Variants in DIP2B observed in about 807,000 individuals in gnomAD.
The protein encoded by DIP2B is disco-interacting protein 2 homolog B.
DIP2B carries 76 observed loss-of-function variants against 198.0 expected under a neutral mutation model. The ratio of observed to expected loss-of-function variants is 0.38; its 90% confidence interval spans 0.32 to 0.46. The LOEUF is 0.46. Ranked by LOEUF, DIP2B falls within the 20% of genes least tolerant of loss-of-function variation. DIP2B has a pLI of 0.99. For synonymous variants in DIP2B, 701 were observed against 739.1 expected, an observed-to-expected ratio of 0.95 and a Z score of 0.84; for missense variants, 1,559 against 1,978.4, an observed-to-expected ratio of 0.79 and a Z score of 4.02.
At chr12:50,686,045 A>T in intron 11 of DIP2B, 89 bp downstream of exon 11, 1 of 1,313,560 alleles carries the variant, frequency 7.6e-7, no homozygotes, top group South Asian at 1.5e-5. Flanking sequence ...TAGGTACTTT[A>T]CATATATGTT....
chr12:50,704,402 T>A (rs1192565958), intron 20 of DIP2B, among the ~76,000 whole-genome samples, 182 bp downstream of exon 20: 2 of 152,252 alleles, frequency 1.3e-5, no homozygotes, highest in Non-Finnish European at 2.9e-5. Context: ...ACTACCCAAG[T>A]TCATTTGACT....
chr12:50,525,608 G>C (rs1958157060), intron 1 of DIP2B, among the ~76,000 whole-genome samples: 1 of 151,142 alleles, frequency 6.6e-6, no homozygotes, highest in Admixed American at 6.6e-5. Flanking sequence ...GACCTCCCAG[G>C]CTCAAGAGAT....
At chr12:50,534,495 C>T (rs965005702) in intron 1 of DIP2B, among the ~76,000 whole-genome samples, 1 of 151,514 alleles carries the variant, frequency 6.6e-6, no homozygotes, top group Non-Finnish European at 1.5e-5. Flanking sequence ...GCCTCAGCCT[C>T]CTGAGTAGCT....
chr12:50,507,064 A>G (rs1957974631), intron 1 of DIP2B, among the ~76,000 whole-genome samples: 1 of 152,180 alleles, frequency 6.6e-6, no homozygotes, highest in Non-Finnish European at 1.5e-5. Flanking sequence ...AACTATTTCT[A>G]GGACCCACAC....
chr12:50,625,850 TCC>T (rs34609458), intron 1 of DIP2B, 124 bp from the exon 2 acceptor site: 219 of 888,438 alleles, frequency 2.5e-4, no homozygotes, highest in Non-Finnish European at 3.0e-4. Context: ...AACCATACAT[TCC>T]CCCCCCCAAC....
At chr12:50,672,446 T>C (rs1938871741) in intron 5 of DIP2B, among the ~76,000 whole-genome samples, 1 of 152,206 alleles carries the variant, frequency 6.6e-6, no homozygotes, top group African/African-American at 2.4e-5. Context: ...CCATGGTTGC[T>C]GAGGTTTTAT....
chr12:50,699,315 C>G, intron 19 of DIP2B, 113 bp downstream of exon 19: 1 of 1,459,396 alleles, frequency 6.9e-7, no homozygotes, highest in East Asian at 2.3e-5. Context: ...AGTGTGTACT[C>G]TGGAGCTAGA....
chr12:50,643,046 G>A (rs923608775), intron 3 of DIP2B, among the ~76,000 whole-genome samples: 4 of 151,988 alleles, frequency 2.6e-5, no homozygotes, highest in African/African-American at 7.3e-5. Context: ...GTGTGTGTGA[G>A]TGTGTGTGTG....
chr12:50,735,293 T>C (rs1025426348), intron 34 of DIP2B, among the ~76,000 whole-genome samples, 163 bp downstream of exon 34: 3 of 152,166 alleles, frequency 2.0e-5, no homozygotes, highest in Admixed American at 2.0e-4. Context: ...TATGGGTACA[T>C]AGATAAGAAG....
intron 1 of DIP2B, among the ~76,000 whole-genome samples, chr12:50,517,794 A>G (rs1958078948): frequency 6.6e-6 from 1 of 152,058 alleles, no homozygotes; most frequent in African/African-American, 2.4e-5. Context: ...ATACATTGCC[A>G]TTCTCTAAAA....
chr12:50,724,406 A>T lies in DIP2B; in HGVS notation c.3289-369A>T, dbSNP rs145844625. On this transcript the variant is annotated intron_variant, in intron 27 of 37. Coordinates refer to ENST00000301180, the MANE Select transcript of DIP2B (RefSeq NM_173602.3). ...TAGAGACTGGGGCAGTCTCCTTCAA[A>T]CATGGTTATCCGATTCTTCTCATTT... Among the ~76,000 whole-genome samples, 32 of 152,272 alleles carry T rather than the reference A, an allele frequency of 2.1e-4. 1 individual carries two copies. The East Asian group carries it at 6.2e-3, about 29-fold the overall frequency.
At chr12:50,694,508 C>A (rs77239731) in intron 14 of DIP2B, among the ~76,000 whole-genome samples, 48 of 2,274 alleles carry the variant, frequency 0.021, no homozygotes, top group East Asian at 0.054. Flanking sequence ...TAAATAAATA[C>A]ATACATACAT....
At chr12:50,726,575 C>T (rs899978636) in intron 28 of DIP2B, among the ~76,000 whole-genome samples, 10 of 151,864 alleles carry the variant, frequency 6.6e-5, no homozygotes, top group African/African-American at 2.2e-4. Flanking sequence ...GGTCTCGAAC[C>T]CCAGTCCTCA....
chr12:50,508,980 G>A (rs1307309327), intron 1 of DIP2B, among the ~76,000 whole-genome samples: 1 of 152,180 alleles, frequency 6.6e-6, no homozygotes, highest in African/African-American at 2.4e-5. Flanking sequence ...GATTACAGGT[G>A]TAAGCCACTG....
intron 21 of DIP2B, 146 bp downstream of exon 21, chr12:50,706,811 T>TCTTC: frequency 1.3e-6 from 1 of 782,698 alleles, no homozygotes; most frequent in Non-Finnish European, 1.9e-6. Context: ...GGCTTTTTTT[T>TCTTC]TTCTTCTTCT....
intron 37 of DIP2B, 89 bp from the exon 38 acceptor site, chr12:50,744,498 C>G (rs1052863716): frequency 1.3e-6 from 2 of 1,550,660 alleles, no homozygotes; most frequent in Admixed American, 3.5e-5. Context: ...GGGGAGAAGG[C>G]GGGGAAATGG....
chr12:50,592,909 A>G (rs1467488683), intron 1 of DIP2B, among the ~76,000 whole-genome samples: 4 of 152,300 alleles, frequency 2.6e-5, no homozygotes, highest in African/African-American at 9.6e-5. Context: ...TTGAACTCCA[A>G]AGCAGTTGGG....
chr12:50,594,077 A>T (rs1389463302), intron 1 of DIP2B, among the ~76,000 whole-genome samples: 1 of 149,546 alleles, frequency 6.7e-6, no homozygotes, highest in Non-Finnish European at 1.5e-5. Context: ...AGTAGCTGGG[A>T]TTACAGGTGT....
At chr12:50,600,187 C>T (rs1270640889) in intron 1 of DIP2B, among the ~76,000 whole-genome samples, 1 of 152,194 alleles carries the variant, frequency 6.6e-6, no homozygotes, top group African/African-American at 2.4e-5. Context: ...TCTCTGCCCC[C>T]TCAGTCTTTA....
Sources: allele counts gnomAD v4.1 joint callset (sites outside exome capture counted in the v4.1 genomes callset), GRCh38; gene constraint gnomAD v4.1.1; transcripts MANE v1.5; gene names NCBI Gene and HGNC (gene_info 2026-07-23, HGNC 2026-07-21).